Variants in LMO7 observed in about 807,000 individuals in gnomAD.
The protein encoded by LMO7 is LIM domain only protein 7.
In LMO7, 120 loss-of-function variants were observed where a neutral mutation model predicts 206.5. The observed-to-expected ratio is 0.58, with a 90% CI of 0.50 to 0.68. LMO7 has a LOEUF of 0.68. Among genes scored for constraint, LMO7 ranks in the 30% least tolerant of loss-of-function variants. The probability of loss-of-function intolerance (pLI) is 0.00; values close to 1 mark genes in which losing one functional copy is unlikely to be tolerated. For missense variants in LMO7, 1,959 were observed against 1,957.9 expected (o/e 1.00, Z -0.01); for synonymous variants, 706 against 681.5 (o/e 1.04, Z -0.56).
At chr13:75,796,861 C>A in intron 6 of LMO7, 112 bp downstream of exon 6, 1 of 688,390 alleles carries the variant, frequency 1.5e-6, no homozygotes, top group Non-Finnish European at 2.5e-6. Context: ...ATGGCAACTC[C>A]GACTCTCTTT....
At chr13:75,703,896 T>G (rs978386478) in intron 1 of LMO7, among the ~76,000 whole-genome samples, 4 of 152,252 alleles carry the variant, frequency 2.6e-5, no homozygotes, top group African/African-American at 9.6e-5. Flanking sequence ...TTTTACCTAA[T>G]GTGTTTATGG....
chr13:75,816,600 T>G (rs549677541), intron 11 of LMO7, among the ~76,000 whole-genome samples: 1 of 152,316 alleles, frequency 6.6e-6, no homozygotes, highest in Admixed American at 6.5e-5. Flanking sequence ...TAAAGGACTA[T>G]TAGAAACTAC....
chr13:75,730,510 C>T (rs1490026593), intron 3 of LMO7, among the ~76,000 whole-genome samples: 2 of 151,816 alleles, frequency 1.3e-5, no homozygotes, highest in African/African-American at 4.8e-5. Flanking sequence ...CTATTTGATT[C>T]TTCTCTCTTT....
At position 75,847,054 on chromosome 13, in the gene LMO7, A is replaced by G. The variant is rs554763630; in HGVS notation, c.4150+1675A>G. On this transcript the variant is annotated intron_variant, in intron 26 of 30. Transcript: ENST00000377534. ...CAAAAAAAAAAAAAAAAAAGGCAAC[A>G]TTTCTTTAAAGTCTGACCAAATTGA... Among the ~76,000 whole-genome samples the G allele has an allele frequency of 2.1e-3, 317 of 150,298 alleles. 1 individual carries two copies. The highest frequency in any genetic ancestry group is 7.4e-3 in the African/African-American group (303 of 41,164).
At chr13:75,628,616 A>G (rs2034510263) in intron 2 of LMO7, 1 of 152,234 alleles carries the variant, frequency 6.6e-6, no homozygotes, top group Non-Finnish European at 1.5e-5. Flanking sequence ...CATGAGAAAT[A>G]CACACATAAT....
intron 27 of LMO7, among the ~76,000 whole-genome samples, chr13:75,851,256 T>C (rs1234495800): frequency 2.0e-5 from 3 of 152,220 alleles, no homozygotes; most frequent in African/African-American, 7.2e-5. Flanking sequence ...TAATACATAT[T>C]AAATGGAAAA....
intron 3 of LMO7, among the ~76,000 whole-genome samples, chr13:75,757,011 A>G (rs1051001622): frequency 6.6e-6 from 1 of 152,186 alleles, no homozygotes; most frequent in Non-Finnish European, 1.5e-5. Flanking sequence ...TTTTGTACCT[A>G]CATGGAATAG....
At chr13:75,707,869 C>A (rs565586172) in intron 1 of LMO7, among the ~76,000 whole-genome samples, 27 of 150,530 alleles carry the variant, frequency 1.8e-4, no homozygotes, top group African/African-American at 3.2e-4. Flanking sequence ...AGGGGGTCTT[C>A]AGACCCCCTC....
At chr13:75,785,678 T>A (rs2052322729) in intron 4 of LMO7, among the ~76,000 whole-genome samples, 1 of 152,200 alleles carries the variant, frequency 6.6e-6, no homozygotes, top group African/African-American at 2.4e-5. Context: ...GAGGACAGCA[T>A]AGAATTAGTA....
At chr13:75,852,984 T>C (rs557007939) in intron 27 of LMO7, 108 bp from the exon 28 acceptor site, 3 of 854,286 alleles carry the variant, frequency 3.5e-6, no homozygotes, top group East Asian at 5.3e-5. Flanking sequence ...TAGATTAATA[T>C]CCACATATAA....
At position 75,703,084 on chromosome 13, in the gene LMO7, G is replaced by C. The variant is rs191011338; in HGVS notation, c.70-10098G>C. Among the ~76,000 whole-genome samples the C allele has an allele frequency of 2.6e-3, 396 of 152,226 alleles. 2 individuals are homozygous for C. The highest frequency in any genetic ancestry group is 7.9e-3 in the African/African-American group (329 of 41,540). ...TGGGTTTTCTCCTGTGCAGTAGAAG[G>C]CTACTTTAATAAAGTGATGTCAAGA... On this transcript the variant is annotated intron_variant, in intron 1 of 30. Transcript: ENST00000377534.
rs185956102 is a variant in LMO7 at position 75,689,774 on chromosome 13, G to A, written c.70-23408G>A. On this transcript the variant is annotated intron_variant, in intron 1 of 30. Transcript: ENST00000377534. The stretch of plus-strand genomic sequence containing the variant: ...ACACCAGCGGTTTGCCATGGCTCTC[G>A]GGCCTTCAGCCACAGACTGGAGATT... 1.6e-3 allele frequency among the ~76,000 whole-genome samples: 247 copies of A among 152,226 alleles called. 1 individual carries two copies. Among genetic ancestry groups the A allele is most frequent in the Middle Eastern group, 3.4e-3 (1 of 294 alleles).
At chr13:75,656,793 C>G (rs2038099062) in intron 1 of LMO7, among the ~76,000 whole-genome samples, 2 of 152,146 alleles carry the variant, frequency 1.3e-5, no homozygotes, top group African/African-American at 4.8e-5. Flanking sequence ...CCTGAGGACC[C>G]CACCCTGTGA....
At chr13:75,632,593 G>A (rs2035086887), upstream of LMO7, among the ~76,000 whole-genome samples, 3 of 152,160 alleles carry the variant, frequency 2.0e-5, no homozygotes, top group Admixed American at 1.3e-4. Flanking sequence ...TAGTGATTCT[G>A]GTAGCTTGCT....
intron 1 of LMO7, among the ~76,000 whole-genome samples, chr13:75,682,800 G>C (rs546160858): frequency 3.3e-5 from 5 of 152,216 alleles, no homozygotes; most frequent in African/African-American, 9.6e-5. Context: ...CAAATCCAAT[G>C]TTTACTACAA....
chr13:75,623,445 C>A, intron 2 of LMO7: 1 of 587,630 alleles, frequency 1.7e-6, no homozygotes, highest in East Asian at 3.4e-5. Context: ...GTCACTGCAA[C>A]CTCTGCCTCC....
At position 75,738,486 on chromosome 13, in the gene LMO7, C is replaced by G. The variant is rs557090513; in HGVS notation, c.210+11388C>G. ...TTGGGAGGACAGTAACCATGTTTTC[C>G]TAGATTTTTTTTTCTTATAGAGATA... is the stretch of plus-strand genomic sequence containing the variant. On this transcript the variant is annotated intron_variant, in intron 3 of 30. Coordinates refer to ENST00000377534, the MANE Select transcript of LMO7 (RefSeq NM_001306080.2). Among the ~76,000 whole-genome samples, 5 of 152,154 alleles carry G rather than the reference C, an allele frequency of 3.3e-5. No homozygotes were observed. In the East Asian group the frequency reaches 9.6e-4, roughly 29 times the overall value.
chr13:75,648,139 G>T (rs1432438147), intron 1 of LMO7, among the ~76,000 whole-genome samples: 1 of 151,382 alleles, frequency 6.6e-6, no homozygotes, highest in African/African-American at 2.4e-5. Flanking sequence ...GTAGAGACAG[G>T]GTCTTGCCAT....
At chr13:75,687,315 T>C (rs1409956290) in intron 1 of LMO7, among the ~76,000 whole-genome samples, 1 of 152,146 alleles carries the variant, frequency 6.6e-6, no homozygotes, top group African/African-American at 2.4e-5. Flanking sequence ...TGGGTAAGTT[T>C]TGAAGGAAAA....
Sources: allele counts gnomAD v4.1 joint callset (sites outside exome capture counted in the v4.1 genomes callset), GRCh38; gene constraint gnomAD v4.1.1; transcripts MANE v1.5; gene names NCBI Gene and HGNC (gene_info 2026-07-23, HGNC 2026-07-21).